Variants in PPM1L observed in about 807,000 individuals in gnomAD.
PPM1L encodes protein phosphatase 1L.
Under a neutral mutation model 31.4 loss-of-function variants are expected in PPM1L, and 13 were observed. The ratio of observed to expected loss-of-function variants is 0.41; its 90% CI spans 0.27 to 0.66. The LOEUF (loss-of-function observed/expected upper bound fraction) is 0.66. PPM1L is among the 30% of genes least tolerant of loss of function. The probability of loss-of-function intolerance (pLI) is 0.29; values close to 1 mark genes in which losing one functional copy is unlikely to be tolerated. For synonymous variants in PPM1L, 184 were observed against 175.4 expected (o/e 1.05, Z -0.39); for missense variants, 326 against 453.7 (o/e 0.72, Z 2.56).
intron 1 of PPM1L, among the ~76,000 whole-genome samples, chr3:160,853,658 G>A (rs183759708): frequency 1.9e-3 from 290 of 151,644 alleles, no homozygotes; most frequent in African/African-American, 6.8e-3. Flanking sequence ...GGTACATTTG[G>A]GTTATACTGA....
At chr3:160,848,899 T>G (rs941284809) in intron 1 of PPM1L, among the ~76,000 whole-genome samples, 1 of 152,204 alleles carries the variant, frequency 6.6e-6, no homozygotes. Context: ...TCCTTCTTCT[T>G]TACTTTCCCC....
At chr3:160,785,986 A>T (rs1012308576) in intron 1 of PPM1L, among the ~76,000 whole-genome samples, 2 of 149,832 alleles carry the variant, frequency 1.3e-5, no homozygotes, top group African/African-American at 2.5e-5. Flanking sequence ...CAATATCTAT[A>T]AAAAAAAATC....
intron 1 of PPM1L, among the ~76,000 whole-genome samples, chr3:160,794,914 G>A (rs547005175): frequency 6.6e-6 from 1 of 152,304 alleles, no homozygotes; most frequent in African/African-American, 2.4e-5. Flanking sequence ...TAGAGAAAGA[G>A]GAAACGCAGG....
chr3:161,053,922 AATATC>A (rs1719343872), intron 2 of PPM1L, among the ~76,000 whole-genome samples: 1 of 152,226 alleles, frequency 6.6e-6, no homozygotes, highest in Non-Finnish European at 1.5e-5. Flanking sequence ...CTTATGCAAA[AATATC>A]AGAGAGGAAA....
At chr3:160,919,644 T>C (rs1186499402) in intron 1 of PPM1L, among the ~76,000 whole-genome samples, 1 of 152,212 alleles carries the variant, frequency 6.6e-6, no homozygotes, top group Non-Finnish European at 1.5e-5. Context: ...TATATAGTTA[T>C]AATGTTAGTT....
intron 2 of PPM1L, among the ~76,000 whole-genome samples, chr3:161,063,078 C>T (rs1346767749): frequency 6.6e-6 from 1 of 152,142 alleles, no homozygotes; most frequent in Non-Finnish European, 1.5e-5. Context: ...AGCAATCTTT[C>T]TATTTTACCT....
In PPM1L at chr3:161,069,210, C is replaced by A; in HGVS notation, c.*53C>A. 3.0e-6 allele frequency: 4 copies of A among 1,321,404 alleles called. No homozygotes were observed. Among genetic ancestry groups the A allele is most frequent in the Non-Finnish European group, 3.1e-6 (3 of 959,640 alleles). 81.9% of individuals were successfully genotyped at this position (1,321,404 alleles called of 1,614,324 possible). A position where few individuals can be genotyped will look rare whatever the true frequency, so the allele number is the denominator to read the frequency against. ...ACTAAAGGACTTTCAACACACTGGTCTCTTTTAATTTAGTGAAAAGTGTGG... is the reference window on the plus strand; with the variant it reads ...ACTAAAGGACTTTCAACACACTGGTATCTTTTAATTTAGTGAAAAGTGTGG... On this transcript the variant is annotated 3_prime_UTR_variant, in exon 4 of 4. Transcript: ENST00000498165.
chr3:160,941,286 G>A (rs138822237), intron 1 of PPM1L, among the ~76,000 whole-genome samples: 232 of 152,260 alleles, frequency 1.5e-3, no homozygotes, highest in African/African-American at 5.5e-3. Context: ...GCTGAAATGA[G>A]TTAAGACTTT....
intron 1 of PPM1L, among the ~76,000 whole-genome samples, chr3:160,827,104 A>C (rs1050539420): frequency 3.9e-5 from 6 of 152,190 alleles, no homozygotes; most frequent in African/African-American, 1.2e-4. Flanking sequence ...TTCTTTCTCA[A>C]ACTCTTTGTG....
intron 1 of PPM1L, among the ~76,000 whole-genome samples, chr3:160,831,395 C>T (rs1247134579): frequency 6.6e-6 from 1 of 152,044 alleles, no homozygotes; most frequent in Non-Finnish European, 1.5e-5. Flanking sequence ...TGTCAGTAAC[C>T]CTTTTTAATG....
chr3:160,834,699 C>G (rs1713643702), intron 1 of PPM1L, among the ~76,000 whole-genome samples: 1 of 152,120 alleles, frequency 6.6e-6, no homozygotes, highest in African/African-American at 2.4e-5. Context: ...GAGATTGACT[C>G]TTTTGCCTCC....
intron 2 of PPM1L, among the ~76,000 whole-genome samples, chr3:161,017,079 C>G (rs1369355595): frequency 6.6e-6 from 1 of 151,880 alleles, no homozygotes; most frequent in Non-Finnish European, 1.5e-5. Flanking sequence ...ATTTTTGAAA[C>G]ATTTCATTAC....
intron 1 of PPM1L, among the ~76,000 whole-genome samples, chr3:160,920,975 C>T (rs1714384199): frequency 6.6e-6 from 1 of 152,050 alleles, no homozygotes; most frequent in Non-Finnish European, 1.5e-5. Context: ...ATTCAGTTTT[C>T]TCGGTATCAG....
intron 2 of PPM1L, among the ~76,000 whole-genome samples, chr3:160,997,188 C>A (rs1252972904): frequency 6.6e-6 from 1 of 151,974 alleles, no homozygotes; most frequent in African/African-American, 2.4e-5. Context: ...TGGACTGTGA[C>A]AATGTCAGTG....
At chr3:161,033,519 G>T (rs1044184418) in intron 2 of PPM1L, among the ~76,000 whole-genome samples, 25 of 151,962 alleles carry the variant, frequency 1.6e-4, no homozygotes, top group African/African-American at 5.3e-4. Flanking sequence ...CAGAACAGAG[G>T]CCTCAGAAAA....
intron 1 of PPM1L, among the ~76,000 whole-genome samples, chr3:160,884,936 C>T (rs946274046): frequency 2.0e-5 from 3 of 152,162 alleles, no homozygotes; most frequent in Non-Finnish European, 4.4e-5. Flanking sequence ...CTGTTGTTCC[C>T]TGATCTCATA....
In PPM1L at chr3:161,058,384, G is replaced by A. The variant is rs536731063; in HGVS notation, c.575-7019G>A. 2.6e-5 allele frequency among the ~76,000 whole-genome samples: 4 copies of A among 151,734 alleles called. No individual in the cohort carries two copies. In the South Asian group the frequency reaches 8.3e-4, roughly 32 times the overall value. On this transcript the variant is annotated intron_variant, in intron 2 of 3. Transcript: ENST00000498165. ...AGGTAATCTGCCTGCCTCAGCCTCC[G>A]AAAGTGCTGGGATTACAGGCATGAG...
At chr3:160,793,942 T>C (rs1334622621) in intron 1 of PPM1L, among the ~76,000 whole-genome samples, 4 of 147,872 alleles carry the variant, frequency 2.7e-5, no homozygotes, top group African/African-American at 5.3e-5. Flanking sequence ...TGAGCTCTGA[T>C]TGGTTGGTTT....
intron 1 of PPM1L, among the ~76,000 whole-genome samples, chr3:160,906,466 A>G (rs1713759733): frequency 6.6e-6 from 1 of 152,036 alleles, no homozygotes; most frequent in Non-Finnish European, 1.5e-5. Context: ...GCTGGGTGTG[A>G]TGGCACATGC....
Sources: allele counts gnomAD v4.1 joint callset (sites outside exome capture counted in the v4.1 genomes callset), GRCh38; gene constraint gnomAD v4.1.1; transcripts MANE v1.5; gene names NCBI Gene and HGNC (gene_info 2026-07-23, HGNC 2026-07-21).